The following DPP10 variants were observed in gnomAD, a reference collection of about 807,000 sequenced individuals.
DPP10 encodes the protein dipeptidyl peptidase like 10.
Under a neutral mutation model 120.9 loss-of-function variants are expected in DPP10, and 33 were observed. The ratio of observed to expected loss-of-function variants is 0.27; its 90% CI spans 0.21 to 0.37. The LOEUF (loss-of-function observed/expected upper bound fraction) is 0.37. Ranked by LOEUF, DPP10 falls within the 10% of genes least tolerant of loss-of-function variation. The pLI, the probability that DPP10 is intolerant of heterozygous loss-of-function variation, is 1.00. For synonymous variants in DPP10, 337 were observed against 326.1 expected (o/e 1.03, Z -0.36); for missense variants, 816 against 942.8 (o/e 0.87, Z 1.76).
chr2:115,687,652 A>T (rs2091073500), intron 5 of DPP10, among the ~76,000 whole-genome samples: 1 of 143,992 alleles, frequency 6.9e-6, no homozygotes, highest in Non-Finnish European at 1.6e-5. Flanking sequence ...TATTGTTATC[A>T]GGCTAAGAAC....
chr2:114,512,380 T>C (rs1425167478), intron 1 of DPP10, among the ~76,000 whole-genome samples: 5 of 152,220 alleles, frequency 3.3e-5, no homozygotes, highest in Non-Finnish European at 7.3e-5. Context: ...TTAGGACTTA[T>C]TGATTTCATG....
intron 3 of DPP10, among the ~76,000 whole-genome samples, chr2:115,462,615 G>A (rs112734096): frequency 1.3e-4 from 20 of 152,198 alleles, no homozygotes; most frequent in Admixed American, 2.6e-4. Context: ...TACAGAATCC[G>A]AAACCGTAAT....
At chr2:114,779,179 C>T (rs952399790) in intron 1 of DPP10, among the ~76,000 whole-genome samples, 26 of 152,036 alleles carry the variant, frequency 1.7e-4, no homozygotes, top group Non-Finnish European at 2.6e-4. Flanking sequence ...CCAGACTACA[C>T]AGAATAACCT....
intron 1 of DPP10, among the ~76,000 whole-genome samples, chr2:114,522,067 C>A (rs1312372079): frequency 2.0e-5 from 3 of 147,422 alleles, no homozygotes; most frequent in African/African-American, 7.5e-5. Context: ...GCAAGCTCCG[C>A]CTCCCGGGTT....
At chr2:115,797,875 A>G (rs1482541565) in intron 19 of DPP10, among the ~76,000 whole-genome samples, 1 of 151,974 alleles carries the variant, frequency 6.6e-6, no homozygotes. Flanking sequence ...ATAAATTTAT[A>G]GATAATGCCT....
intron 19 of DPP10, among the ~76,000 whole-genome samples, chr2:115,799,336 G>T (rs1684900422): frequency 6.6e-6 from 1 of 151,792 alleles, no homozygotes; most frequent in Admixed American, 6.6e-5. Context: ...ATATGTTAAT[G>T]TATAGGTTAT....
intron 1 of DPP10, among the ~76,000 whole-genome samples, chr2:114,561,852 G>A (rs951463090): frequency 2.0e-5 from 3 of 152,110 alleles, no homozygotes; most frequent in Admixed American, 6.5e-5. Flanking sequence ...TAGAAACTTC[G>A]AAAACAACAT....
At chr2:115,187,042 T>C (rs2054501774) in intron 1 of DPP10, among the ~76,000 whole-genome samples, 1 of 97,984 alleles carries the variant, frequency 1.0e-5, no homozygotes, top group Admixed American at 1.2e-4. Flanking sequence ...TTTTTTTTTT[T>C]TTTTTTTTTT....
chr2:115,771,974 C>T (rs1362679242), intron 13 of DPP10, among the ~76,000 whole-genome samples: 1 of 151,036 alleles, frequency 6.6e-6, no homozygotes, highest in South Asian at 2.1e-4. Flanking sequence ...AGAGTGATGG[C>T]GGTCACTACA....
chr2:115,081,617 G>A (rs1026867313), intron 1 of DPP10, among the ~76,000 whole-genome samples: 8 of 151,818 alleles, frequency 5.3e-5, no homozygotes, highest in Admixed American at 1.3e-4. Context: ...CTGTGGTTCC[G>A]TTTTCCATTT....
chr2:114,846,895 G>A (rs1688587971), intron 1 of DPP10, among the ~76,000 whole-genome samples: 1 of 152,150 alleles, frequency 6.6e-6, no homozygotes, highest in Admixed American at 6.6e-5. Flanking sequence ...AGTCACAGGA[G>A]CAAAGCATTT....
intron 1 of DPP10, among the ~76,000 whole-genome samples, chr2:114,616,985 C>G (rs749634050): frequency 1.3e-5 from 2 of 152,098 alleles, no homozygotes; most frequent in Non-Finnish European, 2.9e-5. Context: ...GGTCCCAACT[C>G]TCCCTTTACA....
At chr2:115,343,071 CA>C (rs2063528131) in intron 2 of DPP10, among the ~76,000 whole-genome samples, 1 of 152,098 alleles carries the variant, frequency 6.6e-6, no homozygotes, top group Non-Finnish European at 1.5e-5. Flanking sequence ...TATTATTTTG[CA>C]AAGAAAATGC....
chr2:115,599,638 G>A (rs2083201488), intron 5 of DPP10, among the ~76,000 whole-genome samples: 1 of 151,956 alleles, frequency 6.6e-6, no homozygotes, highest in Admixed American at 6.6e-5. Context: ...ATCCTGATTG[G>A]CATCTGTTCA....
chr2:115,276,359 C>G (rs1559352352), intron 1 of DPP10, among the ~76,000 whole-genome samples: 2 of 152,124 alleles, frequency 1.3e-5, no homozygotes, highest in African/African-American at 4.8e-5. Flanking sequence ...AATATACTCT[C>G]TTTTCTGACA....
rs71394121 is a variant in DPP10 at position 114,993,580 on chromosome 2, G to GTGTATATATATA, written c.61-315658_61-315657insGTATATATATAT. ...ATTCTTATTATGTGTGTGTGTGTGTGTATATATATATATATATATATATAT... is the reference window on the plus strand; with the variant it reads ...ATTCTTATTATGTGTGTGTGTGTGTGTGTATATATATATATATATATATATATATATATATAT... On this transcript the variant is annotated intron_variant, in intron 1 of 25. Transcript: ENST00000410059. 2.4e-3 allele frequency among the ~76,000 whole-genome samples: 238 copies of GTGTATATATATA among 97,332 alleles called. 4 individuals carry two copies. In the South Asian group the frequency reaches 0.039, roughly 16 times the overall value. 63.9% of individuals were successfully genotyped at this position (97,332 alleles called of 152,430 possible). A position where few individuals can be genotyped will look rare whatever the true frequency, so the allele number is the denominator to read the frequency against.
chr2:114,549,663 C>CAAAAAA (rs869226518), intron 1 of DPP10, among the ~76,000 whole-genome samples: 7 of 76,484 alleles, frequency 9.2e-5, no homozygotes, highest in South Asian at 5.2e-4. Context: ...TGTGTGTCAA[C>CAAAAAA]AAAAAAAAAA....
At chr2:115,516,454 A>G (rs1198930340) in intron 4 of DPP10, among the ~76,000 whole-genome samples, 1 of 148,308 alleles carries the variant, frequency 6.7e-6, no homozygotes, top group Non-Finnish European at 1.5e-5. Context: ...ACAAATAAAC[A>G]GGAAACAGCA....
At chr2:114,879,080 T>C (rs1221581673) in intron 1 of DPP10, among the ~76,000 whole-genome samples, 1 of 152,090 alleles carries the variant, frequency 6.6e-6, no homozygotes, top group Non-Finnish European at 1.5e-5. Context: ...GACTTATTTA[T>C]ATCCTTTGGA....
Sources: gnomAD v4.1 joint callset for allele counts (sites outside exome capture counted in the v4.1 genomes callset) on GRCh38, gnomAD v4.1.1 for gene constraint, MANE v1.5 for transcripts, NCBI Gene and HGNC (gene_info 2026-07-23, HGNC 2026-07-21) for gene names.